CCDC138: variants seen among roughly 807,000 people sequenced by gnomAD.
CCDC138 encodes the protein coiled-coil domain-containing protein 138.
Under a neutral mutation model 82.3 loss-of-function variants are expected in CCDC138, and 66 were observed. That is an observed-to-expected ratio of 0.80 (90% CI 0.66 to 0.98). The LOEUF is 0.98. Ranked by LOEUF, CCDC138 falls within the 50% of genes least tolerant of loss-of-function variation. The pLI, the probability that CCDC138 is intolerant of heterozygous loss-of-function variation, is 0.00. For synonymous variants in CCDC138, 297 were observed against 265.4 expected (o/e 1.12, Z -1.16); for missense variants, 816 against 758.9 (o/e 1.08, Z -0.88).
intron 10 of CCDC138, among the ~76,000 whole-genome samples, chr2:108,835,374 T>A (rs1688401129): frequency 6.6e-6 from 1 of 152,212 alleles, no homozygotes; most frequent in Admixed American, 6.5e-5. Context: ...AAAAAATTCA[T>A]TGCCATGTGT....
At chr2:108,809,711 C>T (rs1683472718) in intron 7 of CCDC138, among the ~76,000 whole-genome samples, 1 of 152,070 alleles carries the variant, frequency 6.6e-6, no homozygotes, top group African/African-American at 2.4e-5. Flanking sequence ...TTTATCAGTT[C>T]TGAGAAATTT....
chr2:108,822,800 T>G (rs1685934816), intron 10 of CCDC138, among the ~76,000 whole-genome samples: 1 of 152,202 alleles, frequency 6.6e-6, no homozygotes, highest in Non-Finnish European at 1.5e-5. Flanking sequence ...GAGGGAAGTT[T>G]GTAGCTGTAG....
chr2:108,810,993 A>C (rs1446844828), intron 7 of CCDC138, among the ~76,000 whole-genome samples: 2 of 151,950 alleles, frequency 1.3e-5, no homozygotes, highest in African/African-American at 4.8e-5. Context: ...TGATCTCTGT[A>C]GTCTCTAGTG....
chr2:108,788,131 A>G, intron 2 of CCDC138, 42 bp downstream of exon 2: 1 of 1,584,934 alleles, frequency 6.3e-7, no homozygotes, highest in East Asian at 2.2e-5. Context: ...CAAAAATTTA[A>G]TTTGAGGCTG....
intron 13 of CCDC138, among the ~76,000 whole-genome samples, chr2:108,872,709 C>A (rs1161264879): frequency 6.6e-6 from 1 of 152,126 alleles, no homozygotes; most frequent in African/African-American, 2.4e-5. Context: ...GCGGTGGAGC[C>A]TCATGGCCTT....
intron 13 of CCDC138, among the ~76,000 whole-genome samples, chr2:108,871,263 T>G (rs1279033048): frequency 1.3e-5 from 2 of 150,388 alleles, no homozygotes; most frequent in African/African-American, 4.9e-5. Flanking sequence ...CCAGGTGTGG[T>G]GTCTCATGCC....
Position 108,794,736 on chromosome 2 carries a change from C to T in CCDC138, c.576+15C>T, listed in dbSNP as rs371207211. 11 of 1,545,842 alleles carry T rather than the reference C, an allele frequency of 7.1e-6. No homozygotes were observed. The Admixed American group carries it at 1.3e-4, about 18-fold the overall frequency. On this transcript the variant is annotated intron_variant, in intron 5 of 14. Coordinates refer to ENST00000295124, the MANE Select transcript of CCDC138 (RefSeq NM_144978.3). ...TGAAATTGCAGGTAAGAACTAAATA[C>T]TGAATCGAGAATTCAGAAATATTTA...
At chr2:108,817,920 A>G (rs761909354) in intron 10 of CCDC138, among the ~76,000 whole-genome samples, 3 of 152,198 alleles carry the variant, frequency 2.0e-5, no homozygotes, top group Admixed American at 6.5e-5. Context: ...ACCTACATCA[A>G]TTATTTCCCT....
rs756577550 is a variant in CCDC138 at position 108,791,704 on chromosome 2, AT to A, written c.299del (p.Leu100Ter). 1 of 1,607,442 alleles carries A rather than the reference AT, an allele frequency of 6.2e-7. No individual in the cohort carries two copies. Among genetic ancestry groups the A allele is most frequent in the Non-Finnish European group, 8.5e-7 (1 of 1,176,086 alleles). ...CLDDELDSFHDLKKQETEEEL... is the reference protein window; with the variant it reads ...CLDDELDSFHXLKKQETEEEL... ...GATGATGAACTGGATTCTTTCCATG[AT>A]TTGAAGAAACAGGAAACAGAAGAAG... is the stretch of plus-strand genomic sequence containing the variant. On this transcript the variant is annotated frameshift_variant, in exon 4 of 15. Transcript: ENST00000295124. LOFTEE classifies it high-confidence loss of function.
intron 7 of CCDC138, among the ~76,000 whole-genome samples, chr2:108,808,380 G>A (rs1683211550): frequency 6.6e-6 from 1 of 152,164 alleles, no homozygotes; most frequent in South Asian, 2.1e-4. Flanking sequence ...ATACCCAGAA[G>A]TGGTATTGCA....
chr2:108,876,890 T>C (rs1482333079), downstream of CCDC138, among the ~76,000 whole-genome samples: 2 of 152,202 alleles, frequency 1.3e-5, no homozygotes, highest in Non-Finnish European at 2.9e-5. Context: ...ACCAGAGATA[T>C]CTCTTGGTAT....
chr2:108,798,796 TTCC>T (rs779013994), intron 6 of CCDC138, among the ~76,000 whole-genome samples: 7 of 120,688 alleles, frequency 5.8e-5, no homozygotes, highest in Middle Eastern at 4.5e-3. Flanking sequence ...TCTCCTTCCC[TTCC>T]TCCTCCTCTC....
At position 108,804,928 on chromosome 2, in the gene CCDC138, A is replaced by G. The variant is rs200539532; in HGVS notation, c.775A>G (p.Lys259Glu). ...AEVEHLTEVL[K>E]EKNKETKRLR... ...AGTTGAACACTTAACCGAAGTTCTT[A>G]AGGAAAAGAATAAAGAAACCAAGAG... is the stretch of plus-strand genomic sequence containing the variant. The change falls in exon 7 of 15, where the codon AAG becomes GAG. Residue 259 changes from lysine to glutamate, a missense_variant. Transcript: ENST00000295124. The G allele has an allele frequency of 1.3e-6, 2 of 1,570,494 alleles. No individual in the cohort carries two copies. The highest frequency in any genetic ancestry group is 2.3e-5 in the East Asian group (1 of 43,310).
intron 6 of CCDC138, among the ~76,000 whole-genome samples, chr2:108,800,083 C>G (rs796482268): frequency 1.2e-4 from 18 of 152,112 alleles, no homozygotes; most frequent in East Asian, 3.9e-4. Flanking sequence ...AGATAGGGAT[C>G]TGTTGATTAT....
chr2:108,860,012 T>C (rs969335488), intron 13 of CCDC138, among the ~76,000 whole-genome samples: 2 of 152,186 alleles, frequency 1.3e-5, no homozygotes, highest in African/African-American at 4.8e-5. Flanking sequence ...TGTAGAGATA[T>C]TTCACCTTCC....
intron 13 of CCDC138, among the ~76,000 whole-genome samples, chr2:108,863,923 C>T (rs894240254): frequency 6.6e-6 from 1 of 152,160 alleles, no homozygotes; most frequent in African/African-American, 2.4e-5. Flanking sequence ...TGAATGCTGC[C>T]AGATTTACAG....
intron 10 of CCDC138, among the ~76,000 whole-genome samples, chr2:108,816,463 CAAAA>C (rs1684827454): frequency 2.6e-5 from 4 of 151,798 alleles, no homozygotes; most frequent in Admixed American, 1.3e-4. Flanking sequence ...AAGAAAAAAA[CAAAA>C]AACAAATTTG....
At chr2:108,834,523 T>C (rs1424628729) in intron 10 of CCDC138, among the ~76,000 whole-genome samples, 1 of 152,186 alleles carries the variant, frequency 6.6e-6, no homozygotes, top group Non-Finnish European at 1.5e-5. Context: ...CCTGAAAATG[T>C]CTTTTTATAC....
chr2:108,813,689 A>G (rs1177725681), intron 9 of CCDC138, among the ~76,000 whole-genome samples: 1 of 152,198 alleles, frequency 6.6e-6, no homozygotes, highest in Admixed American at 6.5e-5. Flanking sequence ...ATTAATTTTG[A>G]TAAATATTTC....
Sources: allele counts gnomAD v4.1 joint callset (sites outside exome capture counted in the v4.1 genomes callset), GRCh38; gene constraint gnomAD v4.1.1; transcripts MANE v1.5; gene names NCBI Gene and HGNC (gene_info 2026-07-23, HGNC 2026-07-21).